Variants in MYZAP observed in about 807,000 individuals in gnomAD.
MYZAP encodes the protein myocardial zonula adherens protein.
Under a neutral mutation model 69.4 loss-of-function variants are expected in MYZAP, and 66 were observed. The ratio of observed to expected loss-of-function variants is 0.95; its 90% confidence interval spans 0.78 to 1.17. The LOEUF is 1.17. Ranked by LOEUF, MYZAP falls within the 50% of genes most tolerant of loss-of-function variation. The pLI, the probability that MYZAP is intolerant of heterozygous loss-of-function variation, is 0.00. For missense variants in MYZAP, 611 were observed against 556.2 expected (o/e 1.10, Z -0.99); for synonymous variants, 256 against 205.9 (o/e 1.24, Z -2.09).
intron 11 of MYZAP, among the ~76,000 whole-genome samples, chr15:57,669,836 C>A (rs1159158993): frequency 6.6e-6 from 1 of 152,028 alleles, no homozygotes; most frequent in East Asian, 1.9e-4. Flanking sequence ...ATATACTTTA[C>A]TTTTATTATC....
Position 57,630,777 on chromosome 15 carries a change from T to A in MYZAP, c.678+923T>A, listed in dbSNP as rs549501645. Among the ~76,000 whole-genome samples, 160 of 152,368 alleles carry A rather than the reference T, an allele frequency of 1.1e-3. No individual in the cohort carries two copies. In the Middle Eastern group the frequency reaches 0.02, roughly 19 times the overall value. ...GGATGAATTCCTTTTTATGTAAGTC[T>A]GTGGTTTGAAAATTTTGCTCAGCAC... On this transcript the variant is annotated intron_variant, in intron 6 of 12. Transcript: ENST00000267853.
rs74016329 is a variant in MYZAP, at chr15:57,608,766, C to G, written c.162+4411C>G. On this transcript the variant is annotated intron_variant, in intron 2 of 12. Coordinates refer to ENST00000267853, the MANE Select transcript of MYZAP (RefSeq NM_001018100.5). ...TGGCCCTGGGTCTTTGTTTTTACCC[C>G]CTTAGACCTTCTGGAGTTATTCTCC... Among the ~76,000 whole-genome samples, 786 of 152,310 alleles carry G rather than the reference C, an allele frequency of 5.2e-3. 4 individuals carry two copies. The highest frequency in any genetic ancestry group is 0.018 in the African/African-American group (761 of 41,554).
intron 10 of MYZAP, chr15:57,646,318 G>C (rs2037444593): frequency 8.3e-7 from 1 of 1,209,342 alleles, no homozygotes; most frequent in Admixed American, 3.2e-5. Flanking sequence ...AAACAGGAAG[G>C]ACATATTATT....
chr15:57,593,697 C>A (rs1469838440), intron 1 of MYZAP, among the ~76,000 whole-genome samples: 1 of 152,140 alleles, frequency 6.6e-6, no homozygotes, highest in Non-Finnish European at 1.5e-5. Flanking sequence ...AGATGGCAGA[C>A]GTATTTTGGA....
At chr15:57,664,236 A>G (rs1452573161) in intron 11 of MYZAP, among the ~76,000 whole-genome samples, 1 of 152,166 alleles carries the variant, frequency 6.6e-6, no homozygotes, top group Non-Finnish European at 1.5e-5. Flanking sequence ...TGTGGGTTAC[A>G]TAGGTTCTTG....
At chr15:57,665,321 T>C (rs2038512903) in intron 11 of MYZAP, among the ~76,000 whole-genome samples, 1 of 152,258 alleles carries the variant, frequency 6.6e-6, no homozygotes, top group Non-Finnish European at 1.5e-5. Flanking sequence ...CTTTTAGCAG[T>C]TGGCCCCGAT....
Position 57,625,880 on chromosome 15 carries a change from C to A in MYZAP, c.513C>A (p.Ser171=), listed in dbSNP as rs1297273544. The A allele has an allele frequency of 1.5e-5, 24 of 1,614,042 alleles. No homozygotes were observed. The highest frequency in any genetic ancestry group is 2.0e-5 in the Non-Finnish European group (24 of 1,180,016). The change falls in exon 5 of 13, where the codon TCC becomes TCA. Residue 171 remains serine, a synonymous_variant. Transcript: ENST00000267853. ...NAMNSALASD[S]IGLQKTLVDV... ...TGAACTCAGCCTTGGCATCAGATTCCATTGGCCTGCAGGTACTCATCTGCT... is the reference window on the plus strand; with the variant it reads ...TGAACTCAGCCTTGGCATCAGATTCAATTGGCCTGCAGGTACTCATCTGCT...
chr15:57,656,386 A>T (rs1240318963), intron 10 of MYZAP, among the ~76,000 whole-genome samples: 1 of 152,246 alleles, frequency 6.6e-6, no homozygotes, highest in African/African-American at 2.4e-5. Flanking sequence ...ATCAGTAATC[A>T]TATAATAATA....
chr15:57,662,314 G>A (rs1299844926), intron 11 of MYZAP, among the ~76,000 whole-genome samples: 10 of 152,156 alleles, frequency 6.6e-5, no homozygotes, highest in African/African-American at 2.2e-4. Context: ...TGTGTTCCTC[G>A]TTATAGTCCT....
At chr15:57,594,410 C>A (rs2033923178) in intron 1 of MYZAP, among the ~76,000 whole-genome samples, 1 of 152,132 alleles carries the variant, frequency 6.6e-6, no homozygotes, top group African/African-American at 2.4e-5. Context: ...GCCACCCAGC[C>A]CCGCCTACTG....
At chr15:57,660,811 CAA>C (rs148651424) in intron 10 of MYZAP, among the ~76,000 whole-genome samples, 303 of 152,208 alleles carry the variant, frequency 2.0e-3, no homozygotes, top group African/African-American at 7.1e-3. Flanking sequence ...GATTGGAAAA[CAA>C]AGAGTAGTCT....
chr15:57,614,724 A>G (rs1162082442), intron 2 of MYZAP, among the ~76,000 whole-genome samples: 1 of 152,084 alleles, frequency 6.6e-6, no homozygotes, highest in Non-Finnish European at 1.5e-5. Context: ...AGACCCTGGG[A>G]TGCTACATGG....
intron 10 of MYZAP, among the ~76,000 whole-genome samples, chr15:57,652,815 G>T (rs1462919566): frequency 6.6e-6 from 1 of 152,080 alleles, no homozygotes; most frequent in East Asian, 1.9e-4. Flanking sequence ...AACAATAATG[G>T]GGATCTTCAA....
intron 1 of MYZAP, among the ~76,000 whole-genome samples, chr15:57,596,683 C>T (rs1595844999): frequency 6.6e-6 from 1 of 152,224 alleles, no homozygotes; most frequent in African/African-American, 2.4e-5. Context: ...CTTAGTGTAG[C>T]ATCCAGGCCC....
At chr15:57,662,227 T>C (rs1484424555) in intron 11 of MYZAP, among the ~76,000 whole-genome samples, 1 of 152,232 alleles carries the variant, frequency 6.6e-6, no homozygotes, top group Non-Finnish European at 1.5e-5. Flanking sequence ...CTAAAGGTTC[T>C]TTATTAGAGC....
intron 10 of MYZAP, among the ~76,000 whole-genome samples, chr15:57,640,100 A>G (rs1376890132): frequency 6.6e-6 from 1 of 152,122 alleles, no homozygotes; most frequent in Non-Finnish European, 1.5e-5. Flanking sequence ...CTGTCTCTGT[A>G]ACAGGAAACC....
In MYZAP at chr15:57,632,488, C is replaced by G. The variant is rs1428154711; in HGVS notation, c.733C>G (p.Leu245Val). 2 of 1,614,208 alleles carry G rather than the reference C, an allele frequency of 1.2e-6. No individual in the cohort carries two copies. The highest frequency in any genetic ancestry group is 8.5e-7 in the Non-Finnish European group (1 of 1,180,034). Residue 245 changes from leucine to valine, a missense_variant, in exon 7 of 13, where the codon CTG becomes GTG. Leu to Val is a conservative substitution (Grantham distance 32, BLOSUM62 1). Transcript: ENST00000267853. ...GGTGATGCGAGAGATGACCAAGAAG[C>G]TGTACAGCCAGTATGAGGAGAAGCT... The part of the protein sequence containing the change: ...AEVMREMTKK[L>V]YSQYEEKLQE...
chr15:57,600,070 A>C (rs2034317438), intron 1 of MYZAP, among the ~76,000 whole-genome samples: 1 of 152,068 alleles, frequency 6.6e-6, no homozygotes, highest in African/African-American at 2.4e-5. Context: ...TTCCGCCTAC[A>C]TCTACACAAG....
At chr15:57,674,212 A>G (rs1168244777) in intron 11 of MYZAP, among the ~76,000 whole-genome samples, 1 of 152,108 alleles carries the variant, frequency 6.6e-6, no homozygotes, top group East Asian at 1.9e-4. Flanking sequence ...AGTATCTTCA[A>G]CTTCTTTGTC....
Sources: allele counts gnomAD v4.1 joint callset (sites outside exome capture counted in the v4.1 genomes callset), GRCh38; gene constraint gnomAD v4.1.1; transcripts MANE v1.5; gene names NCBI Gene and HGNC (gene_info 2026-07-23, HGNC 2026-07-21).